Variants in KCNIP4 observed in about 807,000 individuals in gnomAD.
KCNIP4 encodes the protein Kv channel-interacting protein 4.
KCNIP4 carries 12 observed loss-of-function variants against 34.0 expected under a neutral mutation model. That is an observed-to-expected ratio of 0.35 (90% confidence interval 0.23 to 0.57). The LOEUF is 0.57. KCNIP4 is among the 20% of genes least tolerant of loss of function. KCNIP4 has a pLI of 0.83. For synonymous variants in KCNIP4, 124 were observed against 102.2 expected, an observed-to-expected ratio of 1.21 and a Z score of -1.29; for missense variants, 238 against 311.7, an observed-to-expected ratio of 0.76 and a Z score of 1.78.
chr4:21,620,260 T>C (rs1222699738), intron 1 of KCNIP4, among the ~76,000 whole-genome samples: 6 of 152,166 alleles, frequency 3.9e-5, no homozygotes, highest in African/African-American at 1.4e-4. Flanking sequence ...CCCAATACTT[T>C]GAAAGGCCAA....
At chr4:21,387,177 C>T (rs1244865972) in intron 1 of KCNIP4, among the ~76,000 whole-genome samples, 1 of 152,080 alleles carries the variant, frequency 6.6e-6, no homozygotes, top group Non-Finnish European at 1.5e-5. Flanking sequence ...ATGAACTGCT[C>T]AGTAGGGACT....
At chr4:20,998,650 T>C (rs947669042) in intron 1 of KCNIP4, among the ~76,000 whole-genome samples, 3 of 152,242 alleles carry the variant, frequency 2.0e-5, no homozygotes, top group African/African-American at 7.2e-5. Context: ...AATTCACATC[T>C]CATTCCTTTT....
At chr4:21,165,667 T>A (rs1380908442) in intron 1 of KCNIP4, among the ~76,000 whole-genome samples, 1 of 152,050 alleles carries the variant, frequency 6.6e-6, no homozygotes, top group East Asian at 1.9e-4. Context: ...AAAAACATAA[T>A]CCATAAAAAA....
At chr4:21,248,217 T>C (rs1760438063) in intron 1 of KCNIP4, among the ~76,000 whole-genome samples, 1 of 151,916 alleles carries the variant, frequency 6.6e-6, no homozygotes, top group Admixed American at 6.6e-5. Flanking sequence ...TGTGTGGGCA[T>C]GAGCTCCATG....
chr4:21,902,613 G>C (rs1052527093), intron 1 of KCNIP4, among the ~76,000 whole-genome samples: 2 of 152,020 alleles, frequency 1.3e-5, no homozygotes, highest in Non-Finnish European at 2.9e-5. Context: ...CAAGTGAGAG[G>C]CTATGACACA....
intron 1 of KCNIP4, among the ~76,000 whole-genome samples, chr4:21,377,587 C>T (rs1380397238): frequency 6.6e-6 from 1 of 152,196 alleles, no homozygotes; most frequent in Non-Finnish European, 1.5e-5. Context: ...TAACTCAAAA[C>T]TCAAATGGTA....
At chr4:21,185,159 T>A (rs1480584344) in intron 1 of KCNIP4, among the ~76,000 whole-genome samples, 1 of 152,178 alleles carries the variant, frequency 6.6e-6, no homozygotes, top group Non-Finnish European at 1.5e-5. Flanking sequence ...TATCTAATAT[T>A]CAAATTGTGC....
At chr4:21,773,767 G>GTTTTTTTTTTTTTTTT (rs373554454) in intron 1 of KCNIP4, among the ~76,000 whole-genome samples, 1 of 138,282 alleles carries the variant, frequency 7.2e-6, no homozygotes, top group African/African-American at 3.0e-5. Context: ...TTGTTTGTTT[G>GTTTTTTTTTTTTTTTT]TTTTTGTTTT....
At chr4:21,380,916 A>G (rs1242640294) in intron 1 of KCNIP4, among the ~76,000 whole-genome samples, 7 of 152,124 alleles carry the variant, frequency 4.6e-5, no homozygotes, top group Admixed American at 3.3e-4. Flanking sequence ...GGCACCTGAT[A>G]AGATTGTTGC....
At chr4:20,864,822 C>T (rs920977064) in intron 2 of KCNIP4, among the ~76,000 whole-genome samples, 2 of 152,086 alleles carry the variant, frequency 1.3e-5, no homozygotes, top group Non-Finnish European at 2.9e-5. Context: ...AGTGGCAGAA[C>T]TGGGCCTAAA....
At position 21,578,162 on chromosome 4, in the gene KCNIP4, T is replaced by C. The variant is rs542144995; in HGVS notation, c.61+370409A>G. Among the ~76,000 whole-genome samples the C allele has an allele frequency of 3.4e-4, 51 of 151,902 alleles. 1 individual carries two copies. The highest frequency in any genetic ancestry group is 1.1e-3 in the African/African-American group (46 of 41,442). On this transcript the variant is annotated intron_variant, in intron 1 of 8. Transcript: ENST00000382152. ...CAGCCTTGCCAACATGGTGAAACCCTGTCTCTACTAAAGATACAAAAATTA... is the reference window on the plus strand; with the variant it reads ...CAGCCTTGCCAACATGGTGAAACCCCGTCTCTACTAAAGATACAAAAATTA...
chr4:21,389,699 C>A (rs527662557), intron 1 of KCNIP4, among the ~76,000 whole-genome samples: 1 of 152,060 alleles, frequency 6.6e-6, no homozygotes, highest in South Asian at 2.1e-4. Flanking sequence ...TCCAGTTTAT[C>A]ATTGATGGAC....
At chr4:21,699,922 A>G (rs544479217) in intron 1 of KCNIP4, among the ~76,000 whole-genome samples, 1 of 152,260 alleles carries the variant, frequency 6.6e-6, no homozygotes, top group South Asian at 2.1e-4. Flanking sequence ...CCCAGGTGAG[A>G]AACAATGGTG....
intron 1 of KCNIP4, among the ~76,000 whole-genome samples, chr4:21,833,614 T>C (rs360692): frequency 0.44 from 66,783 of 151,968 alleles, 15,195 homozygotes; most frequent in Non-Finnish European, 0.51. Context: ...CATTTGTCAA[T>C]TTTGGCTTTT....
At chr4:20,941,048 G>C (rs1577402866) in intron 1 of KCNIP4, among the ~76,000 whole-genome samples, 2 of 152,174 alleles carry the variant, frequency 1.3e-5, no homozygotes, top group South Asian at 4.1e-4. Flanking sequence ...GACGACATGA[G>C]TTAATGCTTT....
chr4:20,728,766 A>G lies in KCNIP4; in HGVS notation c.*1316T>C, dbSNP rs760628257. On this transcript the variant is annotated 3_prime_UTR_variant, in exon 9 of 9. Transcript: ENST00000382152. ...ATAGCAGGGCAGCTTTCAACATCCT[A>G]TCTCTACACCAGAATAGATACCTGA... 5 of 152,684 alleles carry G rather than the reference A, an allele frequency of 3.3e-5. No individual in the cohort carries two copies. Among genetic ancestry groups the G allele is most frequent in the South Asian group, 4.1e-4 (2 of 4,832 alleles). The allele number at this position is 152,684 out of a possible 1,614,324, so 9.5% of individuals were successfully genotyped here.
At chr4:21,373,458 G>A (rs1257078112) in intron 1 of KCNIP4, among the ~76,000 whole-genome samples, 1 of 147,472 alleles carries the variant, frequency 6.8e-6, no homozygotes, top group Non-Finnish European at 1.5e-5. Flanking sequence ...AGTTTGTGTT[G>A]TAGAAATCTA....
intron 3 of KCNIP4, among the ~76,000 whole-genome samples, chr4:20,779,329 C>T (rs1297695282): frequency 6.6e-6 from 1 of 152,016 alleles, no homozygotes; most frequent in African/African-American, 2.4e-5. Context: ...GACACTAGAT[C>T]ATGAAAAAGA....
At chr4:20,809,918 C>T (rs879395175) in intron 3 of KCNIP4, among the ~76,000 whole-genome samples, 20 of 152,132 alleles carry the variant, frequency 1.3e-4, no homozygotes, top group Non-Finnish European at 2.1e-4. Context: ...CCAAAGGCTC[C>T]GGCCTGCTGG....
Sources: allele counts gnomAD v4.1 joint callset (sites outside exome capture counted in the v4.1 genomes callset), GRCh38; gene constraint gnomAD v4.1.1; transcripts MANE v1.5; gene names NCBI Gene and HGNC (gene_info 2026-07-23, HGNC 2026-07-21).